The following PRKG1 variants were observed in gnomAD, a reference collection of about 807,000 sequenced individuals.
PRKG1 encodes protein kinase cGMP-dependent 1.
Under a neutral mutation model 88.1 loss-of-function variants are expected in PRKG1, and 35 were observed. The observed-to-expected ratio is 0.40, with a 90% CI of 0.30 to 0.53. The LOEUF (loss-of-function observed/expected upper bound fraction) is 0.53. Ranked by LOEUF, PRKG1 falls within the 20% of genes least tolerant of loss-of-function variation. The pLI is 0.59. For missense variants in PRKG1, 540 were observed against 839.8 expected, an observed-to-expected ratio of 0.64 and a Z score of 4.41; for synonymous variants, 303 against 292.5, an observed-to-expected ratio of 1.04 and a Z score of -0.37.
chr10:52,100,632 A>C (rs929180232), intron 7 of PRKG1, among the ~76,000 whole-genome samples: 5 of 152,240 alleles, frequency 3.3e-5, no homozygotes, highest in Middle Eastern at 3.2e-3. Flanking sequence ...TCTGAGAAGA[A>C]ATAGAAATAT....
intron 3 of PRKG1, among the ~76,000 whole-genome samples, chr10:51,541,019 G>T (rs1842287452): frequency 1.3e-5 from 2 of 152,172 alleles, no homozygotes; most frequent in African/African-American, 4.8e-5. Flanking sequence ...ATCCGGCCCA[G>T]TATAGTAGTT....
intron 3 of PRKG1, among the ~76,000 whole-genome samples, chr10:51,755,324 C>T (rs989951216): frequency 6.6e-6 from 1 of 152,174 alleles, no homozygotes; most frequent in African/African-American, 2.4e-5. Context: ...CTAACTCTGC[C>T]TGCCTTGTAT....
chr10:52,266,413 C>G (rs1432269771), intron 10 of PRKG1, among the ~76,000 whole-genome samples: 4 of 151,858 alleles, frequency 2.6e-5, no homozygotes, highest in African/African-American at 4.8e-5. Context: ...TTGTTCCTCC[C>G]CCTGTGTCCA....
At chr10:51,677,199 G>A (rs1269131214) in intron 3 of PRKG1, among the ~76,000 whole-genome samples, 2 of 152,062 alleles carry the variant, frequency 1.3e-5, no homozygotes, top group Non-Finnish European at 2.9e-5. Context: ...ATTGTTGCAT[G>A]TGATTGTATT....
In PRKG1 at chr10:51,415,910, A is replaced by AGTGTGT. The variant is rs71459419; in HGVS notation, c.479-51784_479-51779dup. Among the ~76,000 whole-genome samples the AGTGTGT allele has an allele frequency of 4.1e-3, 606 of 147,230 alleles. 5 individuals are homozygous for AGTGTGT. The highest frequency in any genetic ancestry group is 0.01 in the Middle Eastern group (3 of 288). On this transcript the variant is annotated intron_variant, in intron 2 of 17. Transcript: ENST00000373980. ...CCTAAACTGGCATGCTAGAGCTTCC[A>AGTGTGT]GTGTGTGTGTGTGTGTGTGTGTGTG...
chr10:52,191,485 T>G (rs1839364229), intron 9 of PRKG1, among the ~76,000 whole-genome samples: 1 of 152,282 alleles, frequency 6.6e-6, no homozygotes, highest in South Asian at 2.1e-4. Flanking sequence ...TTAAAGAAAC[T>G]GAATCATTTG....
intron 5 of PRKG1, among the ~76,000 whole-genome samples, chr10:52,002,696 G>T (rs559854623): frequency 6.6e-6 from 1 of 152,220 alleles, no homozygotes; most frequent in Non-Finnish European, 1.5e-5. Context: ...AACTAGGGAA[G>T]ATGTAAAAGA....
intron 5 of PRKG1, among the ~76,000 whole-genome samples, chr10:51,984,709 T>C (rs924589830): frequency 4.0e-4 from 61 of 152,304 alleles, no homozygotes; most frequent in African/African-American, 1.4e-3. Flanking sequence ...AGAGCCATTT[T>C]TGTGTCTATA....
chr10:51,796,500 T>G (rs1293543367), intron 3 of PRKG1, among the ~76,000 whole-genome samples: 1 of 152,090 alleles, frequency 6.6e-6, no homozygotes, highest in Non-Finnish European at 1.5e-5. Context: ...TCAATAGCCA[T>G]GTATGGCAAA....
At chr10:52,124,691 ATTTCT>A (rs1314959415) in intron 7 of PRKG1, among the ~76,000 whole-genome samples, 2 of 152,078 alleles carry the variant, frequency 1.3e-5, no homozygotes, top group East Asian at 1.9e-4. Context: ...AAACTTTTTA[ATTTCT>A]TTTCTAATAA....
intron 3 of PRKG1, among the ~76,000 whole-genome samples, chr10:51,520,525 C>A (rs999916485): frequency 2.0e-5 from 3 of 152,134 alleles, no homozygotes; most frequent in Non-Finnish European, 4.4e-5. Flanking sequence ...TCATCAATGT[C>A]TAGCAGAGTG....
intron 3 of PRKG1, among the ~76,000 whole-genome samples, chr10:51,549,128 T>TTTTTTTTTTTTTTTTTTTTTTTTTTC: frequency 8.6e-6 from 1 of 116,848 alleles, no homozygotes; most frequent in Non-Finnish European, 1.8e-5. Flanking sequence ...TTCTTTTTTT[T>TTTTTTTTTTTTTTTTTTTTTTTTTTC]TTTTTTTTTT....
At chr10:52,036,028 T>C (rs1278680104) in intron 5 of PRKG1, among the ~76,000 whole-genome samples, 1 of 152,156 alleles carries the variant, frequency 6.6e-6, no homozygotes, top group Non-Finnish European at 1.5e-5. Flanking sequence ...CGGACATGAT[T>C]GGCAGGGAGA....
At chr10:51,233,107 T>C (rs1838889927) in intron 2 of PRKG1, among the ~76,000 whole-genome samples, 1 of 152,084 alleles carries the variant, frequency 6.6e-6, no homozygotes, top group African/African-American at 2.4e-5. Flanking sequence ...ATGGTAGAGA[T>C]GGAAAGAGCA....
At chr10:51,674,697 G>A (rs1341912378) in intron 3 of PRKG1, among the ~76,000 whole-genome samples, 1 of 152,152 alleles carries the variant, frequency 6.6e-6, no homozygotes, top group Non-Finnish European at 1.5e-5. Context: ...TCAACTCAAT[G>A]TACTGCTACC....
chr10:51,140,477 G>A lies in PRKG1; in HGVS notation c.312-12687G>A, dbSNP rs572855514. Among the ~76,000 whole-genome samples, 25 of 152,322 alleles carry A rather than the reference G, an allele frequency of 1.6e-4. No individual in the cohort carries two copies. The South Asian group carries it at 3.3e-3, about 20-fold the overall frequency. ...GGCAAACTGACACACCTGGACCAGC[G>A]TGGTTGTTAAGAGGGGGTCTGGGGT... On this transcript the variant is annotated intron_variant, in intron 1 of 17. Transcript: ENST00000373980.
rs189716568 is a variant in PRKG1 at position 51,285,195 on chromosome 10, A to T, written c.478+131865A>T. ...TTTACTGAGAATGATGGTTTTTTTT[A>T]AAAGTCTTATTTTGTTAGACATTTC... On this transcript the variant is annotated intron_variant, in intron 2 of 17. Coordinates refer to ENST00000373980, the MANE Select transcript of PRKG1 (RefSeq NM_006258.4). Among the ~76,000 whole-genome samples, 1,409 of 151,618 alleles carry T rather than the reference A, an allele frequency of 9.3e-3. 4 individuals carry two copies. Among genetic ancestry groups the T allele is most frequent in the Non-Finnish European group, 0.013 (868 of 67,884 alleles).
chr10:51,505,844 A>G (rs1201612695), intron 3 of PRKG1, among the ~76,000 whole-genome samples: 1 of 151,768 alleles, frequency 6.6e-6, no homozygotes, highest in Non-Finnish European at 1.5e-5. Context: ...TATTGCGTCT[A>G]TTTGATTCTT....
At chr10:51,534,992 T>TA (rs982219878) in intron 3 of PRKG1, among the ~76,000 whole-genome samples, 1 of 152,250 alleles carries the variant, frequency 6.6e-6, no homozygotes, top group African/African-American at 2.4e-5. Context: ...GTCAATATTT[T>TA]AAAAAATAAT....
Sources: allele counts gnomAD v4.1 joint callset (sites outside exome capture counted in the v4.1 genomes callset), GRCh38; gene constraint gnomAD v4.1.1; transcripts MANE v1.5; gene names NCBI Gene and HGNC (gene_info 2026-07-23, HGNC 2026-07-21).